Variants in DYM observed in about 807,000 individuals in gnomAD.
The protein encoded by DYM is dymeclin, also known as dyggve-Melchior-Clausen syndrome protein.
Under a neutral mutation model 93.1 loss-of-function variants are expected in DYM, and 78 were observed. The ratio of observed to expected loss-of-function variants is 0.84; its 90% CI spans 0.70 to 1.01. The LOEUF is 1.01. Among genes scored for constraint, DYM ranks in the 50% least tolerant of loss-of-function variants. The pLI, the probability that DYM is intolerant of heterozygous loss-of-function variation, is 0.00. For missense variants in DYM, 789 were observed against 845.0 expected (o/e 0.93, Z 0.82); for synonymous variants, 321 against 319.7 (o/e 1.00, Z -0.04).
chr18:49,051,125 T>G (rs542209944), intron 17 of DYM, among the ~76,000 whole-genome samples: 2 of 152,330 alleles, frequency 1.3e-5, no homozygotes, highest in African/African-American at 2.4e-5. Context: ...AAAAGGGACC[T>G]GAGTGTGCCC....
At chr18:49,046,823 G>T (rs2071654785) in intron 17 of DYM, among the ~76,000 whole-genome samples, 1 of 152,186 alleles carries the variant, frequency 6.6e-6, no homozygotes, top group South Asian at 2.1e-4. Flanking sequence ...GAGCCCAGGA[G>T]TTCGAGGCTT....
At chr18:49,387,279 CGT>C (rs771129400) in intron 3 of DYM, among the ~76,000 whole-genome samples, 1 of 151,454 alleles carries the variant, frequency 6.6e-6, no homozygotes, top group African/African-American at 2.4e-5. Flanking sequence ...TCAGTGATCT[CGT>C]TTGTTTGTTT....
rs768338381 is a variant in DYM at position 49,040,990 on chromosome 18, G to A, written c.*3065C>T. On this transcript the variant is annotated 3_prime_UTR_variant, in exon 18 of 18. Coordinates refer to ENST00000675505, the MANE Select transcript of DYM (RefSeq NM_001353214.3). The stretch of plus-strand genomic sequence containing the variant: ...TCCTGTGTCCTTTCCACTTTCTATC[G>A]TCTACTTCCCAGCTCCTGTGCTTTC... Among the ~76,000 whole-genome samples, 6 of 152,068 alleles carry A rather than the reference G, an allele frequency of 3.9e-5. No individual in the cohort carries two copies. The highest frequency in any genetic ancestry group is 6.5e-5 in the Admixed American group (1 of 15,276).
intron 13 of DYM, among the ~76,000 whole-genome samples, chr18:49,241,316 GCTAGGGTC>G (rs2094002464): frequency 2.6e-5 from 4 of 152,120 alleles, no homozygotes; most frequent in Non-Finnish European, 5.9e-5. Context: ...ACATTTCTAC[GCTAGGGTC>G]AAACTTGGAT....
chr18:49,044,186 A>G lies in DYM; in HGVS notation c.2044T>C (p.Phe682Leu). ...DRLKKFPELK[F>L]KYVEEEQPEE... ...GGCTGCTCCTCTTCCACATATTTGAATTTCAATTCTGGAAATTTCTGCAAT... is the reference window on the plus strand; with the variant it reads ...GGCTGCTCCTCTTCCACATATTTGAGTTTCAATTCTGGAAATTTCTGCAAT... The change falls in exon 18 of 18, where the codon TTC becomes CTC. Residue 682 changes from phenylalanine to leucine, a missense_variant. Phe to Leu is a conservative substitution (Grantham distance 22). Coordinates refer to ENST00000675505, the MANE Select transcript of DYM (RefSeq NM_001353214.3). 1 of 1,614,188 alleles carries G rather than the reference A, an allele frequency of 6.2e-7. No individual in the cohort carries two copies. Among genetic ancestry groups the G allele is most frequent in the Non-Finnish European group, 8.5e-7 (1 of 1,180,036 alleles).
intron 8 of DYM, among the ~76,000 whole-genome samples, chr18:49,291,737 A>G (rs961883212): frequency 6.6e-6 from 1 of 152,224 alleles, no homozygotes; most frequent in African/African-American, 2.4e-5. Flanking sequence ...AAAATTGTCA[A>G]TAATTGGTAA....
chr18:49,342,018 G>A (rs896364706), intron 6 of DYM, among the ~76,000 whole-genome samples: 2 of 152,234 alleles, frequency 1.3e-5, no homozygotes, highest in Non-Finnish European at 2.9e-5. Context: ...CAGAAGTCCA[G>A]TACAGGTCTC....
intron 8 of DYM, among the ~76,000 whole-genome samples, chr18:49,312,560 A>G (rs1320574068): frequency 6.6e-6 from 1 of 152,172 alleles, no homozygotes; most frequent in East Asian, 1.9e-4. Context: ...AGCATCCCCT[A>G]TGCATCCCCT....
chr18:49,388,373 A>G (rs977040275), intron 3 of DYM, among the ~76,000 whole-genome samples: 2 of 152,046 alleles, frequency 1.3e-5, no homozygotes, highest in Admixed American at 6.6e-5. Flanking sequence ...TAGAAACTAA[A>G]GATGAATTAA....
intron 15 of DYM, among the ~76,000 whole-genome samples, chr18:49,156,922 C>A (rs1370459505): frequency 6.6e-6 from 1 of 151,768 alleles, no homozygotes; most frequent in East Asian, 1.9e-4. Context: ...AAAGTCTTTG[C>A]CTCACCTAAA....
chr18:49,360,919 A>G (rs1281519939), intron 6 of DYM, among the ~76,000 whole-genome samples: 1 of 152,236 alleles, frequency 6.6e-6, no homozygotes, highest in African/African-American at 2.4e-5. Context: ...GCTCATTAAC[A>G]TAGTTTCAAG....
chr18:49,275,877 T>C (rs1395640932), intron 10 of DYM, among the ~76,000 whole-genome samples: 1 of 152,208 alleles, frequency 6.6e-6, no homozygotes, highest in African/African-American at 2.4e-5. Context: ...TTCTCATATA[T>C]AAAAATACTA....
intron 8 of DYM, among the ~76,000 whole-genome samples, chr18:49,320,289 A>G (rs1303030106): frequency 6.6e-6 from 1 of 152,156 alleles, no homozygotes. Flanking sequence ...AACATATAGA[A>G]AAGTCAAAAA....
intron 17 of DYM, among the ~76,000 whole-genome samples, chr18:49,083,562 AAG>A (rs769558109): frequency 5.3e-5 from 8 of 151,918 alleles, no homozygotes; most frequent in Non-Finnish European, 1.0e-4. Flanking sequence ...TAGTTTCTGA[AAG>A]AGTCTGTGTA....
chr18:49,203,008 G>A (rs1374886098), intron 14 of DYM, among the ~76,000 whole-genome samples: 3 of 52,056 alleles, frequency 5.8e-5, no homozygotes, highest in African/African-American at 2.0e-4. Context: ...AGGTGGGGGG[G>A]TCAGCCCCCC....
intron 15 of DYM, among the ~76,000 whole-genome samples, chr18:49,135,094 G>C (rs1243517864): frequency 6.6e-6 from 1 of 151,918 alleles, no homozygotes; most frequent in Non-Finnish European, 1.5e-5. Context: ...GGCAACAAGA[G>C]CAAAACTCCA....
chr18:49,363,646 A>G (rs1216388756), intron 5 of DYM, among the ~76,000 whole-genome samples: 1 of 152,154 alleles, frequency 6.6e-6, no homozygotes, highest in Non-Finnish European at 1.5e-5. Flanking sequence ...TCCCCAACAA[A>G]TATCTGGCCT....
chr18:49,456,806 T>TA lies in DYM; in HGVS notation c.-54+3591dup, dbSNP rs566464651. Among the ~76,000 whole-genome samples, 407 of 152,238 alleles carry TA rather than the reference T, an allele frequency of 2.7e-3. 23 individuals carry two copies. The South Asian group carries it at 0.075, about 28-fold the overall frequency. ...CAAAGTTCAAAGCATAAAGCTCTGC[T>TA]AAAAACCTTACTAGAAAAAAAAATG... On this transcript the variant is annotated intron_variant, in intron 1 of 17. Transcript: ENST00000675505.
At chr18:49,091,622 C>G (rs1371829027) in intron 17 of DYM, among the ~76,000 whole-genome samples, 1 of 152,310 alleles carries the variant, frequency 6.6e-6, no homozygotes, top group African/African-American at 2.4e-5. Context: ...CCCATAGATT[C>G]TAATTCCATG....
Sources: allele counts gnomAD v4.1 joint callset (sites outside exome capture counted in the v4.1 genomes callset), GRCh38; gene constraint gnomAD v4.1.1; transcripts MANE v1.5; gene names NCBI Gene and HGNC (gene_info 2026-07-23, HGNC 2026-07-21).